Variants in TENM3 observed in about 807,000 individuals in gnomAD.
TENM3 encodes teneurin transmembrane protein 3.
A neutral mutation model predicts 255.1 loss-of-function variants in TENM3; 63 were observed. That is an observed-to-expected ratio of 0.25 (90% CI 0.20 to 0.30). The LOEUF is 0.30. Among genes scored for constraint, TENM3 ranks in the 10% least tolerant of loss-of-function variants. The pLI, the probability that TENM3 is intolerant of heterozygous loss-of-function variation, is 1.00. For missense variants in TENM3, 2,929 were observed against 3,461.1 expected, an observed-to-expected ratio of 0.85 and a Z score of 3.86; for synonymous variants, 1,306 against 1,322.3, an observed-to-expected ratio of 0.99 and a Z score of 0.27.
At chr4:181,498,569 A>G in the TENM3 span, among the ~76,000 whole-genome samples, 1 of 150,180 alleles carries the variant, frequency 6.7e-6, no homozygotes, top group Non-Finnish European at 1.5e-5. Flanking sequence ...GTTGTCAAAT[A>G]CTTAAAGGGC....
At chr4:182,077,675 A>G in the TENM3 span, among the ~76,000 whole-genome samples, 4 of 152,204 alleles carry the variant, frequency 2.6e-5, no homozygotes, top group Admixed American at 2.6e-4. Flanking sequence ...TATTCTAAGC[A>G]CTTGGAATAT....
intron 1 of TENM3, among the ~76,000 whole-genome samples, chr4:182,232,137 T>C (rs1868644): frequency 0.42 from 64,512 of 152,028 alleles, 15,090 homozygotes; most frequent in Non-Finnish European, 0.52. Context: ...GTAGCGTATA[T>C]ACAAATGTCT....
the TENM3 span, among the ~76,000 whole-genome samples, chr4:181,603,632 A>C: frequency 6.6e-6 from 1 of 152,232 alleles, no homozygotes; most frequent in Non-Finnish European, 1.5e-5. Flanking sequence ...ATAATGAAAT[A>C]TTAAAGTGCT....
chr4:182,445,098 C>T (rs1414313018), intron 3 of TENM3, among the ~76,000 whole-genome samples: 2 of 152,208 alleles, frequency 1.3e-5, no homozygotes, highest in African/African-American at 4.8e-5. Context: ...TGTGAGCCAC[C>T]GTGCCTGGCC....
chr4:182,564,305 TAAA>T (rs35242466), intron 3 of TENM3, among the ~76,000 whole-genome samples: 2 of 144,220 alleles, frequency 1.4e-5, no homozygotes. Flanking sequence ...AACCTTTCTT[TAAA>T]AAAAAAAAAA....
intron 1 of TENM3, among the ~76,000 whole-genome samples, chr4:182,317,328 C>T (rs529862103): frequency 1.3e-5 from 2 of 152,230 alleles, no homozygotes; most frequent in East Asian, 3.9e-4. Flanking sequence ...GAGACAGGGT[C>T]TTACTCTGTC....
At chr4:181,691,586 A>G in the TENM3 span, among the ~76,000 whole-genome samples, 2 of 152,084 alleles carry the variant, frequency 1.3e-5, no homozygotes, top group African/African-American at 4.8e-5. Context: ...TGATAGGGTA[A>G]ATGGGTTTTA....
chr4:182,591,545 A>C (rs147150134), intron 3 of TENM3, among the ~76,000 whole-genome samples: 1 of 152,260 alleles, frequency 6.6e-6, no homozygotes, highest in African/African-American at 2.4e-5. Flanking sequence ...CATCATAACA[A>C]TGTTCAAAAC....
the TENM3 span, among the ~76,000 whole-genome samples, chr4:181,790,994 A>G: frequency 6.6e-6 from 1 of 152,212 alleles, no homozygotes; most frequent in Non-Finnish European, 1.5e-5. Context: ...AAACTGTGTA[A>G]AAGATGATTA....
the TENM3 span, among the ~76,000 whole-genome samples, chr4:181,758,383 A>G: frequency 1.3e-5 from 2 of 152,150 alleles, no homozygotes; most frequent in Non-Finnish European, 2.9e-5. Flanking sequence ...AACATATTTT[A>G]TTTTGAAATC....
At chr4:182,362,531 G>A (rs1397578921) in intron 3 of TENM3, among the ~76,000 whole-genome samples, 1 of 152,190 alleles carries the variant, frequency 6.6e-6, no homozygotes, top group African/African-American at 2.4e-5. Context: ...CGAGCCATGT[G>A]CGGGATATAA....
intron 11 of TENM3, among the ~76,000 whole-genome samples, chr4:182,685,275 G>T (rs554810064): frequency 6.6e-6 from 1 of 150,644 alleles, no homozygotes; most frequent in African/African-American, 2.4e-5. Context: ...TCATCTTTTG[G>T]CCCATACACC....
chr4:182,051,217 C>T, the TENM3 span, among the ~76,000 whole-genome samples: 3 of 151,730 alleles, frequency 2.0e-5, no homozygotes, highest in Non-Finnish European at 4.4e-5. Flanking sequence ...ATGGCAAGCG[C>T]CTGTAATCCC....
chr4:182,583,191 C>T (rs1402518617), intron 3 of TENM3, among the ~76,000 whole-genome samples: 1 of 151,788 alleles, frequency 6.6e-6, no homozygotes, highest in Admixed American at 6.6e-5. Context: ...GAGACACATC[C>T]CAGAATAAGC....
the TENM3 span, among the ~76,000 whole-genome samples, chr4:181,778,342 A>G: frequency 1.3e-5 from 2 of 152,176 alleles, no homozygotes; most frequent in African/African-American, 2.4e-5. Flanking sequence ...TATTAGTATT[A>G]GTATTTTTAT....
chr4:181,834,408 G>A, the TENM3 span, among the ~76,000 whole-genome samples: 1 of 152,244 alleles, frequency 6.6e-6, no homozygotes, highest in African/African-American at 2.4e-5. Context: ...TTAAAATATG[G>A]GCTTAATCAC....
chr4:182,109,597 T>C, the TENM3 span, among the ~76,000 whole-genome samples: 1 of 152,216 alleles, frequency 6.6e-6, no homozygotes, highest in African/African-American at 2.4e-5. Context: ...TTCCCAGATA[T>C]GTCTATAGTA....
the TENM3 span, among the ~76,000 whole-genome samples, chr4:182,037,175 T>C: frequency 1.3e-5 from 2 of 149,062 alleles, no homozygotes; most frequent in African/African-American, 4.9e-5. Context: ...TGACACGGAG[T>C]CTCACTCTGT....
intron 1 of TENM3, among the ~76,000 whole-genome samples, chr4:182,222,045 A>G (rs965700769): frequency 1.3e-5 from 2 of 152,198 alleles, no homozygotes; most frequent in Non-Finnish European, 2.9e-5. Flanking sequence ...TTAAAGTTCA[A>G]GGCTTCCATC....
Sources: gnomAD v4.1 joint callset for allele counts (sites outside exome capture counted in the v4.1 genomes callset) on GRCh38, gnomAD v4.1.1 for gene constraint, MANE v1.5 for transcripts, NCBI Gene and HGNC (gene_info 2026-07-23, HGNC 2026-07-21) for gene names.